HIPK2: variants seen among roughly 807,000 people sequenced by gnomAD.
HIPK2 encodes the protein homeodomain-interacting protein kinase 2.
HIPK2 carries 27 observed loss-of-function variants against 113.7 expected under a neutral mutation model. That is an observed-to-expected ratio of 0.24 (90% CI 0.17 to 0.33). The LOEUF is 0.33. Ranked by LOEUF, HIPK2 falls within the 10% of genes least tolerant of loss-of-function variation. The pLI is 1.00. For missense variants in HIPK2, 1,257 were observed against 1,588.0 expected (o/e 0.79, Z 3.54); for synonymous variants, 631 against 642.2 (o/e 0.98, Z 0.26).
chr7:139,694,896 C>A (rs1254096168), intron 2 of HIPK2, among the ~76,000 whole-genome samples: 2 of 152,274 alleles, frequency 1.3e-5, no homozygotes, highest in South Asian at 2.1e-4. Flanking sequence ...AGAAAAGGAA[C>A]AGTCAAACAA....
At chr7:139,732,732 A>G (rs1349857743) in intron 1 of HIPK2, among the ~76,000 whole-genome samples, 2 of 146,270 alleles carry the variant, frequency 1.4e-5, no homozygotes, top group African/African-American at 5.0e-5. Flanking sequence ...GTGAGGAGTA[A>G]ATGAACATAT....
At chr7:139,690,904 C>G (rs565539246) in intron 2 of HIPK2, among the ~76,000 whole-genome samples, 1 of 152,200 alleles carries the variant, frequency 6.6e-6, no homozygotes, top group South Asian at 2.1e-4. Flanking sequence ...TCAGGTATTC[C>G]TTGATAGCAA....
intron 1 of HIPK2, among the ~76,000 whole-genome samples, chr7:139,729,677 A>T (rs528253364): frequency 6.6e-6 from 1 of 152,318 alleles, no homozygotes; most frequent in African/African-American, 2.4e-5. Context: ...ACGTGGTGGG[A>T]TGAAAAAGGC....
chr7:139,650,841 AC>A (rs764410342), intron 2 of HIPK2, among the ~76,000 whole-genome samples: 3 of 152,210 alleles, frequency 2.0e-5, no homozygotes, highest in Non-Finnish European at 2.9e-5. Context: ...CACAAGGGTG[AC>A]CCACCTGGGA....
At position 139,670,817 on chromosome 7, in the gene HIPK2, G is replaced by A. The variant is rs1302105449; in HGVS notation, c.1104-39092C>T. Among the ~76,000 whole-genome samples the A allele has an allele frequency of 3.1e-5, 4 of 127,664 alleles. No individual in the cohort carries two copies. In the South Asian group the frequency reaches 9.7e-4, roughly 31 times the overall value. 83.8% of individuals were successfully genotyped at this position (127,664 alleles called of 152,430 possible). A position where few individuals can be genotyped will look rare whatever the true frequency, so the allele number is the denominator to read the frequency against. On this transcript the variant is annotated intron_variant, in intron 2 of 14. Transcript: ENST00000406875. Reference sequence around the variant, plus strand: ...CTTGCTCTGCTGTCCAGGCTGGAGTGCAATGGCACAATCTCAGCTCACTGC... The same window carrying A: ...CTTGCTCTGCTGTCCAGGCTGGAGTACAATGGCACAATCTCAGCTCACTGC...
At chr7:139,715,118 A>C (rs1795184643) in intron 2 of HIPK2, among the ~76,000 whole-genome samples, 1 of 152,204 alleles carries the variant, frequency 6.6e-6, no homozygotes, top group South Asian at 2.1e-4. Flanking sequence ...AAGCTTCCAG[A>C]TACCCCAGGA....
chr7:139,749,797 CG>C (rs1796251227), intron 1 of HIPK2, among the ~76,000 whole-genome samples: 1 of 152,148 alleles, frequency 6.6e-6, no homozygotes, highest in South Asian at 2.1e-4. Context: ...CTCTGGTATC[CG>C]CCACGCCGCA....
chr7:139,634,035 A>T (rs1022521905), intron 2 of HIPK2, among the ~76,000 whole-genome samples: 1 of 151,524 alleles, frequency 6.6e-6, no homozygotes, highest in South Asian at 2.1e-4. Flanking sequence ...GCTTGAGCCC[A>T]GGAGTTTGAG....
chr7:139,625,627 C>T (rs1453701544), intron 6 of HIPK2, among the ~76,000 whole-genome samples: 1 of 152,202 alleles, frequency 6.6e-6, no homozygotes, highest in Non-Finnish European at 1.5e-5. Context: ...CATGCCCATC[C>T]TCTTCCTCAT....
At chr7:139,625,416 A>C (rs1240613258) in intron 6 of HIPK2, among the ~76,000 whole-genome samples, 1 of 152,218 alleles carries the variant, frequency 6.6e-6, no homozygotes, top group Non-Finnish European at 1.5e-5. Context: ...TGCTCAACAC[A>C]GATCTAACCA....
chr7:139,697,461 C>T (rs924871157), intron 2 of HIPK2, among the ~76,000 whole-genome samples: 2 of 152,172 alleles, frequency 1.3e-5, no homozygotes, highest in Non-Finnish European at 2.9e-5. Flanking sequence ...CTCAAAGATA[C>T]TCTCATTCTA....
chr7:139,671,241 T>C (rs1410225546), intron 2 of HIPK2, among the ~76,000 whole-genome samples: 1 of 152,190 alleles, frequency 6.6e-6, no homozygotes, highest in African/African-American at 2.4e-5. Context: ...ATTCAGGGAA[T>C]TGAAATTGGC....
chr7:139,748,163 G>A lies in HIPK2; in HGVS notation c.19+29442C>T, dbSNP rs73474128. Among the ~76,000 whole-genome samples, 1,322 of 152,224 alleles carry A rather than the reference G, an allele frequency of 8.7e-3. 13 individuals are homozygous for A. Among genetic ancestry groups the A allele is most frequent in the African/African-American group, 0.03 (1,240 of 41,530 alleles). ...ACGCAATGACCTTCACAGAACACCC[G>A]TGTTCTTCGGAAGCTGGTCTGCCCA... On this transcript the variant is annotated intron_variant, in intron 1 of 14. Transcript: ENST00000406875.
intron 1 of HIPK2, among the ~76,000 whole-genome samples, chr7:139,739,587 A>G (rs1279924036): frequency 1.9e-5 from 2 of 105,840 alleles, no homozygotes; most frequent in Non-Finnish European, 3.2e-5. Context: ...ACCCTCTCCA[A>G]AAAAAAAAAA....
At chr7:139,764,354 C>T (rs563195689) in intron 1 of HIPK2, among the ~76,000 whole-genome samples, 14 of 152,218 alleles carry the variant, frequency 9.2e-5, no homozygotes, top group South Asian at 2.1e-4. Flanking sequence ...GTGTTCCTGG[C>T]GACTTTAGAG....
Position 139,571,801 on chromosome 7 carries a change from G to A in HIPK2, c.*1126C>T, listed in dbSNP as rs1342231126. On this transcript the variant is annotated 3_prime_UTR_variant, in exon 15 of 15. Transcript: ENST00000406875. ...GCGTCTGTCGCTCGGTAAGGCACTA[G>A]GAGGGAAGGATGCAGTGTCAAGACT... is the stretch of plus-strand genomic sequence containing the variant. 1 of 152,288 alleles carries A rather than the reference G, an allele frequency of 6.6e-6. No individual in the cohort carries two copies. The highest frequency in any genetic ancestry group is 2.4e-5 in the African/African-American group (1 of 41,464). 9.4% of individuals were successfully genotyped at this position (152,288 alleles called of 1,614,324 possible).
chr7:139,776,345 A>C, intron 1 of HIPK2, among the ~76,000 whole-genome samples: 1 of 152,170 alleles, frequency 6.6e-6, no homozygotes, highest in Non-Finnish European at 1.5e-5. Flanking sequence ...CCAGGGCCTG[A>C]CTGGTAACTT....
intron 2 of HIPK2, among the ~76,000 whole-genome samples, chr7:139,709,916 A>T (rs536623279): frequency 1.3e-5 from 2 of 152,244 alleles, no homozygotes; most frequent in African/African-American, 2.4e-5. Context: ...CAATTCTGCA[A>T]TCAAAGCATC....
Position 139,706,346 on chromosome 7 carries a change from C to T in HIPK2, c.1103+9586G>A, listed in dbSNP as rs1169538256. Among the ~76,000 whole-genome samples the T allele has an allele frequency of 4.6e-5, 7 of 152,252 alleles. No individual in the cohort carries two copies. The South Asian group carries it at 1.0e-3, about 23-fold the overall frequency. On this transcript the variant is annotated intron_variant, in intron 2 of 14. Coordinates refer to ENST00000406875, the MANE Select transcript of HIPK2 (RefSeq NM_022740.5). The stretch of plus-strand genomic sequence containing the variant: ...GGTTCAGAGATGCTAGATGCTGTGG[C>T]CCAGGACTTAGGCAGCAGTGAAAGT...
Sources: allele counts gnomAD v4.1 joint callset (sites outside exome capture counted in the v4.1 genomes callset), GRCh38; gene constraint gnomAD v4.1.1; transcripts MANE v1.5; gene names NCBI Gene and HGNC (gene_info 2026-07-23, HGNC 2026-07-21).